Variants in CERKL observed in about 807,000 individuals in gnomAD.
CERKL encodes the protein ceramide kinase-like protein.
A neutral mutation model predicts 63.4 loss-of-function variants in CERKL; 61 were observed. That is an observed-to-expected ratio of 0.96 (90% CI 0.78 to 1.19). CERKL has a LOEUF of 1.19. Among genes scored for constraint, CERKL ranks in the 50% most tolerant of loss-of-function variants. The pLI, the probability that CERKL is intolerant of heterozygous loss-of-function variation, is 0.00. For missense variants in CERKL, 675 were observed against 655.5 expected (o/e 1.03, Z -0.33); for synonymous variants, 250 against 230.5 (o/e 1.08, Z -0.77).
At position 181,574,978 on chromosome 2, in the gene CERKL, CTT is replaced by C. The variant is rs1689067338; in HGVS notation, c.482-1096_482-1095del. Among the ~76,000 whole-genome samples, 4 of 152,216 alleles carry C rather than the reference CTT, an allele frequency of 2.6e-5. No homozygotes were observed. In the South Asian group the frequency reaches 8.3e-4, roughly 32 times the overall value. On this transcript the variant is annotated intron_variant, in intron 2 of 12. Coordinates refer to ENST00000410087, the MANE Select transcript of CERKL (RefSeq NM_201548.5). ...ATTCCTGGTGAAACTGCCTAGGGCC[CTT>C]TTTGGTAAGAAGCCTGCATCAGCCT...
intron 4 of CERKL, among the ~76,000 whole-genome samples, chr2:181,560,831 A>C (rs1688408497): frequency 6.6e-6 from 1 of 152,186 alleles, no homozygotes; most frequent in Non-Finnish European, 1.5e-5. Flanking sequence ...TTACCAGTAG[A>C]ACCAGTGTGA....
rs763860 is a variant in CERKL at position 181,558,197 on chromosome 2, T to C, written c.820+369A>G. ...GTAAGCAGCTAGACTGGAGTGGCCCTGTTTTGAAACTTCTTACCTGGTACT... is the reference window on the plus strand; with the variant it reads ...GTAAGCAGCTAGACTGGAGTGGCCCCGTTTTGAAACTTCTTACCTGGTACT... On this transcript the variant is annotated intron_variant, in intron 5 of 12. Transcript: ENST00000410087. This position sits in a 1 kb window ranked among gnomAD's most constrained non-coding sequence, Gnocchi z 4.2. Among the ~76,000 whole-genome samples the C allele has an allele frequency of 0.4, 60,528 of 152,048 alleles. 12,844 individuals are homozygous for C. Among genetic ancestry groups the C allele is most frequent in the African/African-American group, 0.54 (22,184 of 41,452 alleles).
rs191254654 is a variant in CERKL, at chr2:181,597,629, C to A, written c.481+6208G>T. Among the ~76,000 whole-genome samples the A allele has an allele frequency of 3.0e-3, 463 of 152,266 alleles. 5 individuals are homozygous for A. The highest frequency in any genetic ancestry group is 0.01 in the African/African-American group (419 of 41,554). The stretch of plus-strand genomic sequence containing the variant: ...TTATTGGTGGTAATTTAGGAATTTC[C>A]CAGGGATAGAGAACTGGGTGGCCAG... On this transcript the variant is annotated intron_variant, in intron 2 of 12. Coordinates refer to ENST00000410087, the MANE Select transcript of CERKL (RefSeq NM_201548.5).
chr2:181,638,460 A>T (rs1393641721), intron 1 of CERKL, among the ~76,000 whole-genome samples: 1 of 152,208 alleles, frequency 6.6e-6, no homozygotes, highest in Non-Finnish European at 1.5e-5. Flanking sequence ...TTGGTCTAAA[A>T]ATCCAAAATG....
rs1431487907 is a variant in CERKL, at chr2:181,558,418, A to G, written c.820+148T>C. On this transcript the variant is annotated intron_variant, in intron 5 of 12. Coordinates refer to ENST00000410087, the MANE Select transcript of CERKL (RefSeq NM_201548.5). This position sits in a 1 kb window ranked among gnomAD's most constrained non-coding sequence, Gnocchi z 4.2. ...CTCAAAGAGATTAAATGACTTGTCA[A>G]AAGTCTCACATTTGCTAGTGGGGAT... 3 of 813,068 alleles carry G rather than the reference A, an allele frequency of 3.7e-6. No homozygotes were observed. Among genetic ancestry groups the G allele is most frequent in the African/African-American group, 3.4e-5 (2 of 59,452 alleles). The allele number at this position is 813,068 out of a possible 1,614,324, so 50.4% of individuals were successfully genotyped here.
At chr2:181,610,446 T>G (rs951562450) in intron 1 of CERKL, among the ~76,000 whole-genome samples, 3 of 152,218 alleles carry the variant, frequency 2.0e-5, no homozygotes, top group Non-Finnish European at 4.4e-5. Flanking sequence ...GACTTTAAAA[T>G]GTTAATTGCA....
intron 2 of CERKL, among the ~76,000 whole-genome samples, chr2:181,582,354 T>C (rs1025340066): frequency 3.9e-5 from 6 of 152,090 alleles, no homozygotes; most frequent in East Asian, 1.9e-4. Context: ...TGCATATGTG[T>C]GGTGAAGAGG....
chr2:181,646,688 G>C (rs1289485040), intron 1 of CERKL, among the ~76,000 whole-genome samples: 1 of 152,194 alleles, frequency 6.6e-6, no homozygotes, highest in Non-Finnish European at 1.5e-5. Context: ...TGATAAACTA[G>C]GTGCTGGTGG....
intron 1 of CERKL, among the ~76,000 whole-genome samples, chr2:181,606,519 A>G (rs62189988): frequency 0.26 from 2,431 of 9,458 alleles, 530 homozygotes; most frequent in Middle Eastern, 0.56. Flanking sequence ...AGGGGGGAGG[A>G]GAGGGTAGGG....
chr2:181,657,054 G>A lies in CERKL; in HGVS notation c.-48C>T. On this transcript the variant is annotated 5_prime_UTR_variant, in exon 1 of 13. Transcript: ENST00000410087. ...GAGCCAGGGGTCCGGGGAGGCCTTT[G>A]GAGAAGGAGGTGGAGGGCGCGGCAG... 6.6e-7 allele frequency: 1 copy of A among 1,503,984 alleles called. No individual in the cohort carries two copies. The highest frequency in any genetic ancestry group is 1.4e-5 in the African/African-American group (1 of 72,592). 93.2% of individuals were successfully genotyped at this position (1,503,984 alleles called of 1,614,324 possible). A position where few individuals can be genotyped will look rare whatever the true frequency, so the allele number is the denominator to read the frequency against.
Position 181,536,777 on chromosome 2 carries a change from T to TAAA in CERKL, c.*1406_*1407insTTT. 1 of 249,564 alleles carries TAAA rather than the reference T, an allele frequency of 4.0e-6. No individual in the cohort carries two copies. The highest frequency in any genetic ancestry group is 8.1e-6 in the Non-Finnish European group (1 of 124,160). The allele number at this position is 249,564 out of a possible 1,614,324, so 15.5% of individuals were successfully genotyped here. ...AAATTTCTTTAAATACAATCATTTT[T>TAAA]GTAATATTTATTTTATGCTTATGAT... is the stretch of plus-strand genomic sequence containing the variant. On this transcript the variant is annotated 3_prime_UTR_variant, in exon 13 of 13. Coordinates refer to ENST00000410087, the MANE Select transcript of CERKL (RefSeq NM_201548.5).
chr2:181,541,035 C>G (rs1687482125), intron 11 of CERKL, among the ~76,000 whole-genome samples: 1 of 152,228 alleles, frequency 6.6e-6, no homozygotes, highest in Non-Finnish European at 1.5e-5. Flanking sequence ...CTCCTAGGTG[C>G]TCAACATCAT....
intron 1 of CERKL, among the ~76,000 whole-genome samples, chr2:181,605,129 G>A (rs951425054): frequency 3.3e-5 from 5 of 152,164 alleles, no homozygotes; most frequent in East Asian, 1.9e-4. Flanking sequence ...CAGTGAAGCC[G>A]AAGAGGAGGA....
intron 1 of CERKL, among the ~76,000 whole-genome samples, chr2:181,616,150 T>C (rs1686183807): frequency 6.6e-6 from 1 of 151,436 alleles, no homozygotes; most frequent in East Asian, 1.9e-4. Flanking sequence ...TTTGAGGATA[T>C]ACAGATATTT....
intron 2 of CERKL, among the ~76,000 whole-genome samples, chr2:181,591,856 G>A (rs996018168): frequency 2.0e-5 from 3 of 152,134 alleles, no homozygotes; most frequent in African/African-American, 7.2e-5. Context: ...TTAGCTCCCA[G>A]ATGTTGGTTT....
intron 5 of CERKL, among the ~76,000 whole-genome samples, chr2:181,555,752 CTTTTT>C (rs34713780): frequency 8.3e-6 from 1 of 120,146 alleles, no homozygotes; most frequent in Non-Finnish European, 1.7e-5. Context: ...CATTATTAAA[CTTTTT>C]TTTTTTTTTT....
chr2:181,573,138 A>G (rs1358269593), intron 3 of CERKL, among the ~76,000 whole-genome samples: 1 of 152,202 alleles, frequency 6.6e-6, no homozygotes, highest in African/African-American at 2.4e-5. Flanking sequence ...AAAGAAACAA[A>G]GAAATGTGAC....
chr2:181,552,380 T>C (rs550321867), intron 5 of CERKL, among the ~76,000 whole-genome samples: 2 of 152,294 alleles, frequency 1.3e-5, no homozygotes, highest in East Asian at 1.9e-4. Flanking sequence ...GTTCTTGTGA[T>C]AGTGAGTGAG....
intron 3 of CERKL, among the ~76,000 whole-genome samples, chr2:181,572,562 T>C (rs1688951217): frequency 6.6e-6 from 1 of 152,174 alleles, no homozygotes; most frequent in Non-Finnish European, 1.5e-5. Flanking sequence ...CAGCCAATCT[T>C]TGGAAATCTT....
Sources: gnomAD v4.1 joint callset for allele counts (sites outside exome capture counted in the v4.1 genomes callset) on GRCh38, gnomAD v4.1.1 for gene constraint, Gnocchi (gnomAD v3.1) non-coding constraint, MANE v1.5 for transcripts, NCBI Gene and HGNC (gene_info 2026-07-23, HGNC 2026-07-21) for gene names.